The following EXOSC2 variants were observed in gnomAD, a reference collection of about 807,000 sequenced individuals.
EXOSC2 encodes exosome component 2.
A neutral mutation model predicts 37.6 loss-of-function variants in EXOSC2; 29 were observed. The observed-to-expected ratio is 0.77, with a 90% CI of 0.57 to 1.05. The LOEUF (loss-of-function observed/expected upper bound fraction) is 1.05, where lower values mean the gene tolerates loss of function less well. Among genes scored for constraint, EXOSC2 ranks in the 50% least tolerant of loss-of-function variants. The probability of loss-of-function intolerance (pLI) is 0.00; values close to 1 mark genes in which losing one functional copy is unlikely to be tolerated. For missense variants in EXOSC2, 346 were observed against 365.6 expected, an observed-to-expected ratio of 0.95 and a Z score of 0.44; for synonymous variants, 119 against 131.1, an observed-to-expected ratio of 0.91 and a Z score of 0.63.
rs561920287 is a variant in EXOSC2, at chr9:130,704,462, C to G, written c.*688C>G. The stretch of plus-strand genomic sequence containing the variant: ...GGGAGAATCACTTGAACCTGGGAGG[C>G]GGAGGTTGCAGTGAGCTGAAATCGC... On this transcript the variant is annotated 3_prime_UTR_variant, in exon 9 of 9. Transcript: ENST00000372358. 4 of 151,540 alleles carry G rather than the reference C, an allele frequency of 2.6e-5. No individual in the cohort carries two copies. Among genetic ancestry groups the G allele is most frequent in the Non-Finnish European group, 5.9e-5 (4 of 67,980 alleles). 9.4% of individuals were successfully genotyped at this position (151,540 alleles called of 1,614,324 possible).
At chr9:130,695,630 A>T (rs1488546223) in intron 2 of EXOSC2, 37 bp downstream of exon 2, 2 of 1,589,546 alleles carry the variant, frequency 1.3e-6, no homozygotes, top group East Asian at 2.2e-5. Flanking sequence ...TTCTTGCAGC[A>T]TCAGGTTGTA....
chr9:130,693,831 C>G lies in EXOSC2; in HGVS notation c.40C>G (p.Leu14Val), dbSNP rs1564253887. 5.6e-6 allele frequency: 9 copies of G among 1,610,796 alleles called. No homozygotes were observed. In the South Asian group the frequency reaches 7.7e-5, roughly 14 times the overall value. ...GAGGCTTCCAGTGGCTCGCAAGCCT[C>G]TTAGCGAGAGACTGGGCCGCGACAC... ...EMRLPVARKP[L>V]SERLGRDTKK... The change falls in exon 1 of 9, where the codon CTT (leucine) becomes GTT (valine). Residue 14 changes from leucine (L) to valine (V), a missense_variant. Physicochemically the swap from Leu to Val is conservative, Grantham distance 32. Coordinates refer to ENST00000372358, the MANE Select transcript of EXOSC2 (RefSeq NM_014285.7).
intron 3 of EXOSC2, 150 bp downstream of exon 3, chr9:130,697,777 G>T: frequency 2.8e-6 from 2 of 717,126 alleles, no homozygotes; most frequent in East Asian, 2.7e-5. Context: ...TGGCTTGTTC[G>T]ATTTCAGATT....
intron 2 of EXOSC2, 77 bp downstream of exon 2, chr9:130,695,670 C>A: frequency 8.0e-7 from 1 of 1,250,674 alleles, no homozygotes; most frequent in Non-Finnish European, 1.2e-6. Flanking sequence ...CCCTCCTTAT[C>A]CCCCACCCCA....
Position 130,702,215 on chromosome 9 carries a change from G to C in EXOSC2, c.577G>C (p.Ala193Pro). ...KTHFHDLPCGASVILGNNGFI... is the reference protein window; with the variant it reads ...KTHFHDLPCGPSVILGNNGFI... ...CCACTTTCATGATTTGCCATGTGGT[G>C]CCTCAGTGATTCTCGGTAACAACGG... is the stretch of plus-strand genomic sequence containing the variant. Residue 193 changes from alanine to proline, a missense_variant, in exon 7 of 9, where the codon GCC becomes CCC. Coordinates refer to ENST00000372358, the MANE Select transcript of EXOSC2 (RefSeq NM_014285.7). The C allele has an allele frequency of 6.2e-7, 1 of 1,614,162 alleles. No homozygotes were observed. Among genetic ancestry groups the C allele is most frequent in the Non-Finnish European group, 8.5e-7 (1 of 1,180,036 alleles).
Position 130,698,398 on chromosome 9 carries a change from T to C in EXOSC2, c.360+147T>C. On this transcript the variant is annotated intron_variant, in intron 4 of 8. Coordinates refer to ENST00000372358, the MANE Select transcript of EXOSC2 (RefSeq NM_014285.7). The surrounding 1 kb of genome is among the most constrained non-coding windows in gnomAD (Gnocchi z 4.1). ...TGCTGTGAAGTTTGCTGCCTAGATG[T>C]GTATGTAGACTTTTCACCCTGTCCA... 3.0e-6 allele frequency: 2 copies of C among 665,292 alleles called. No individual in the cohort carries two copies. Among genetic ancestry groups the C allele is most frequent in the East Asian group, 5.5e-5 (2 of 36,588 alleles). 41.2% of individuals were successfully genotyped at this position (665,292 alleles called of 1,614,324 possible).
intron 1 of EXOSC2, 119 bp from the exon 2 acceptor site, chr9:130,695,373 C>T: frequency 2.4e-6 from 2 of 831,842 alleles, no homozygotes; most frequent in African/African-American, 1.7e-5. Context: ...GCAGCCAGCA[C>T]AGAAGCCACG....
Position 130,701,777 on chromosome 9 carries a change from G to C in EXOSC2, c.496-357G>C, listed in dbSNP as rs1266697812. On this transcript the variant is annotated intron_variant, in intron 6 of 8. Coordinates refer to ENST00000372358, the MANE Select transcript of EXOSC2 (RefSeq NM_014285.7). ...GTGTTTGGGGTTCAGGTATGAGCTA[G>C]GGTCATGGAACAACGCAGTGCTCCT... 5.1e-6 allele frequency: 5 copies of C among 980,090 alleles called. No individual in the cohort carries two copies. In the African/African-American group the frequency reaches 5.2e-5, roughly 10 times the overall value. 60.7% of individuals were successfully genotyped at this position (980,090 alleles called of 1,614,324 possible). A position where few individuals can be genotyped will look rare whatever the true frequency, so the allele number is the denominator to read the frequency against.
chr9:130,699,976 C>T (rs189223723), intron 5 of EXOSC2, among the ~76,000 whole-genome samples: 79 of 152,286 alleles, frequency 5.2e-4, no homozygotes, highest in African/African-American at 1.7e-3. Context: ...CACTGCATTC[C>T]AGCTTGGGTG....
Position 130,694,526 on chromosome 9 carries a change from A to G in EXOSC2, c.122+613A>G, listed in dbSNP as rs1831049171. On this transcript the variant is annotated intron_variant, in intron 1 of 8. Coordinates refer to ENST00000372358, the MANE Select transcript of EXOSC2 (RefSeq NM_014285.7). The surrounding 1 kb of genome is among the most constrained non-coding windows in gnomAD (Gnocchi z 4.0). Reference sequence around the variant, plus strand: ...TCTGTAAGATAGTGATAATAACAGTATGATACGGTAATGAGGATTAAATGA... The same window carrying G: ...TCTGTAAGATAGTGATAATAACAGTGTGATACGGTAATGAGGATTAAATGA... 1.3e-5 allele frequency among the ~76,000 whole-genome samples: 2 copies of G among 152,190 alleles called. No homozygotes were observed. Among genetic ancestry groups the G allele is most frequent in the South Asian group, 4.1e-4 (2 of 4,824 alleles).
rs1221667821 is a variant in EXOSC2 at position 130,700,358 on chromosome 9, TTTATTTA to T, written c.427-506_427-500del. 3.5e-3 allele frequency among the ~76,000 whole-genome samples: 511 copies of T among 148,054 alleles called. 1 individual carries two copies. The highest frequency in any genetic ancestry group is 0.025 in the Middle Eastern group (7 of 282). On this transcript the variant is annotated intron_variant, in intron 5 of 8. Coordinates refer to ENST00000372358, the MANE Select transcript of EXOSC2 (RefSeq NM_014285.7). The stretch of plus-strand genomic sequence containing the variant: ...ATTTATTTATTTATTTATTTATTTA[TTTATTTA>T]TTTATTTTTTTGAGACGGAGTTTCA...
intron 6 of EXOSC2, 70 bp from the exon 7 acceptor site, chr9:130,702,064 A>G: frequency 6.4e-7 from 1 of 1,553,162 alleles, no homozygotes; most frequent in East Asian, 2.3e-5. Flanking sequence ...TAGGATGTAT[A>G]TTCTGTAGTC....
chr9:130,696,572 G>A (rs1431531291), intron 2 of EXOSC2, among the ~76,000 whole-genome samples: 2 of 147,774 alleles, frequency 1.4e-5, no homozygotes, highest in Non-Finnish European at 3.0e-5. Flanking sequence ...AGGTGGAGGA[G>A]TGATTGGAAT....
intron 2 of EXOSC2, among the ~76,000 whole-genome samples, chr9:130,696,667 G>C (rs1588196841): frequency 1.3e-5 from 2 of 152,284 alleles, no homozygotes; most frequent in Middle Eastern, 6.8e-3. Context: ...ACTGTGCATA[G>C]GACCCCGTCA....
chr9:130,699,525 G>A (rs1831166722), intron 5 of EXOSC2, 131 bp downstream of exon 5: 1 of 893,266 alleles, frequency 1.1e-6, no homozygotes. Context: ...CCAAGTGTCG[G>A]GCTCTGCTGC....
Position 130,697,584 on chromosome 9 carries a change from A to G in EXOSC2, c.227A>G (p.Tyr76Cys), listed in dbSNP as rs1284395432. ...LICVKALKTR[Y>C]IGEVGDIVVG... ...ACCCCTTGTGTTTTGTCTTTCAGAT[A>G]CATTGGTGAAGTAGGAGACATCGTA... The change falls in exon 3 of 9, where the codon TAC becomes TGC. Residue 76 changes from tyrosine (Y) to cysteine (C), a missense_variant and splice_region_variant. Physicochemically the swap from Tyr to Cys is radical, Grantham distance 194. Transcript: ENST00000372358. 2 of 1,614,056 alleles carry G rather than the reference A, an allele frequency of 1.2e-6. No individual in the cohort carries two copies. The highest frequency in any genetic ancestry group is 1.7e-6 in the Non-Finnish European group (2 of 1,179,896).
chr9:130,703,548 C>G (rs1451241704), intron 8 of EXOSC2, 146 bp from the exon 9 acceptor site: 1 of 644,476 alleles, frequency 1.6e-6, no homozygotes, highest in Non-Finnish European at 2.7e-6. Flanking sequence ...CTGCTTCTAG[C>G]AGATCATATC....
rs1831036567 is a variant in EXOSC2 at position 130,693,930 on chromosome 9, G to A, written c.122+17G>A. On this transcript the variant is annotated intron_variant, in intron 1 of 8. Transcript: ENST00000372358. ...ATTCATGCGGTACGTGGGGACTTGG[G>A]GGAGTCGAGGCTTCAGAGAGCGGCT... 6.3e-7 allele frequency: 1 copy of A among 1,584,580 alleles called. No homozygotes were observed.
intron 2 of EXOSC2, among the ~76,000 whole-genome samples, chr9:130,696,036 G>A (rs781172547): frequency 1.9e-4 from 28 of 151,096 alleles, no homozygotes; most frequent in Non-Finnish European, 3.2e-4. Context: ...AATTTTTTTC[G>A]ATTTTTAGTA....
Sources: allele counts gnomAD v4.1 joint callset (sites outside exome capture counted in the v4.1 genomes callset), GRCh38; gene constraint gnomAD v4.1.1; non-coding constraint Gnocchi (gnomAD v3.1); transcripts MANE v1.5; gene names NCBI Gene and HGNC (gene_info 2026-07-23, HGNC 2026-07-21).